The following KIFC3 variants were observed in gnomAD, a reference collection of about 807,000 sequenced individuals.
KIFC3 encodes the protein kinesin-like protein KIFC3.
In KIFC3, 60 loss-of-function variants were observed where a neutral mutation model predicts 101.8. The ratio of observed to expected loss-of-function variants is 0.59; its 90% CI spans 0.48 to 0.73. The LOEUF is 0.73. Ranked by LOEUF, KIFC3 falls within the 30% of genes least tolerant of loss-of-function variation. The probability of loss-of-function intolerance (pLI) is 0.00; values close to 1 mark genes in which losing one functional copy is unlikely to be tolerated. For missense variants in KIFC3, 966 were observed against 1,137.1 expected, an observed-to-expected ratio of 0.85 and a Z score of 2.16; for synonymous variants, 476 against 482.7, an observed-to-expected ratio of 0.99 and a Z score of 0.18.
rs1555608095 is a variant in KIFC3 at position 57,771,356 on chromosome 16, G to C, written c.607C>G (p.Leu203Val). The change falls in exon 6 of 20, where the codon CTA (leucine) becomes GTA (valine). Residue 203 changes from leucine to valine, a missense_variant. Physicochemically the swap from Leu to Val is conservative, Grantham distance 32. Transcript: ENST00000445690. ...ESKGMLSELN[L>V]EVQQKTDRLA... ...CGGTCGGTCTTCTGCTGCACCTCTA[G>C]GTTCAGCTCTGACAGCATGCCTTTG... 6.2e-7 allele frequency: 1 copy of C among 1,613,784 alleles called. No individual in the cohort carries two copies. The highest frequency in any genetic ancestry group is 8.5e-7 in the Non-Finnish European group (1 of 1,180,046).
intron 3 of KIFC3, among the ~76,000 whole-genome samples, chr16:57,777,593 C>T (rs7199324): frequency 0.074 from 11,220 of 152,090 alleles, 478 homozygotes; most frequent in South Asian, 0.092. Flanking sequence ...TCATGGCAGG[C>T]GCCTGTAATC....
At chr16:57,763,214 C>T (rs974625843) in intron 12 of KIFC3, among the ~76,000 whole-genome samples, 1 of 152,182 alleles carries the variant, frequency 6.6e-6, no homozygotes, top group Non-Finnish European at 1.5e-5. Context: ...ATGCCTGATA[C>T]ACCTTATGCA....
In KIFC3 at chr16:57,764,039, A is replaced by G. The variant is rs558182656; in HGVS notation, c.1617+104T>C. 123 of 828,192 alleles carry G rather than the reference A, an allele frequency of 1.5e-4. 2 individuals carry two copies. The highest frequency in any genetic ancestry group is 1.0e-3 in the South Asian group (70 of 66,944). 51.3% of individuals were successfully genotyped at this position (828,192 alleles called of 1,614,324 possible). On this transcript the variant is annotated intron_variant, in intron 12 of 19. Transcript: ENST00000445690. The stretch of plus-strand genomic sequence containing the variant: ...CCTCTGCTCCTGGGTTGTGAGGACC[A>G]AATGAGGCAAAACACACACTGCACA...
At chr16:57,855,537 A>T (rs534270228) in intron 1 of KIFC3, among the ~76,000 whole-genome samples, 21 of 152,278 alleles carry the variant, frequency 1.4e-4, no homozygotes, top group African/African-American at 5.1e-4. Flanking sequence ...TGGAAAATTT[A>T]TAACATCAAA....
In KIFC3 at chr16:57,770,639, T is replaced by C; in HGVS notation, c.827A>G (p.Gln276Arg). The change falls in exon 7 of 20, where the codon CAG becomes CGG. Residue 276 changes from glutamine to arginine, a missense_variant. By Grantham distance (43) the Gln-to-Arg change is conservative. Around this residue, in one of 2 missense-constraint regions of KIFC3, gnomAD observed 689 missense variants for 884.6 expected, o/e 0.78. Coordinates refer to ENST00000445690, the MANE Select transcript of KIFC3 (RefSeq NM_001130100.2). Reference protein sequence around the residue: ...SKTKQALSESQARNQHLQEQV... With the variant: ...SKTKQALSESRARNQHLQEQV... ...CTCCTGCAGGTGCTGGTTCCGGGCC[T>C]GGGACTCGCTGAGGGCCTGCTTGGT... 3 of 1,556,600 alleles carry C rather than the reference T, an allele frequency of 1.9e-6. No individual in the cohort carries two copies. Among genetic ancestry groups the C allele is most frequent in the Non-Finnish European group, 1.7e-6 (2 of 1,150,438 alleles).
chr16:57,790,816 A>G (rs2149163090), intron 3 of KIFC3: 1 of 638,244 alleles, frequency 1.6e-6, no homozygotes, highest in Middle Eastern at 7.8e-4. Flanking sequence ...AAAAGCCAAT[A>G]CAGATAATTG....
intron 12 of KIFC3, among the ~76,000 whole-genome samples, chr16:57,763,137 G>C (rs1031807951): frequency 3.3e-5 from 5 of 152,054 alleles, no homozygotes; most frequent in African/African-American, 1.2e-4. Context: ...CCACAGCCAG[G>C]TTGGCCCTGT....
At chr16:57,840,996 C>G in intron 1 of KIFC3, among the ~76,000 whole-genome samples, 1 of 152,166 alleles carries the variant, frequency 6.6e-6, no homozygotes, top group African/African-American at 2.4e-5. Flanking sequence ...CTTGTGAAGG[C>G]ATAGCTTCAA....
In KIFC3 at chr16:57,798,063, C is replaced by A. The variant is rs112193492; in HGVS notation, c.172+9G>T. Reference sequence around the variant, plus strand: ...GAAATAAAGAGGCATTTTAAAAATGCGGACTCACCAGTTCTCAACCTCCCC... The same window carrying A: ...GAAATAAAGAGGCATTTTAAAAATGAGGACTCACCAGTTCTCAACCTCCCC... On this transcript the variant is annotated intron_variant, in intron 2 of 19. Coordinates refer to ENST00000445690, the MANE Select transcript of KIFC3 (RefSeq NM_001130100.2). 12 of 1,590,290 alleles carry A rather than the reference C, an allele frequency of 7.5e-6. No homozygotes were observed. The highest frequency in any genetic ancestry group is 1.7e-5 in the Admixed American group (1 of 57,462).
chr16:57,775,078 C>G, intron 3 of KIFC3: 4 of 1,501,716 alleles, frequency 2.7e-6, no homozygotes, highest in Non-Finnish European at 3.5e-6. Flanking sequence ...GCGGGATACC[C>G]ACCAGCCACC....
At chr16:57,830,340 C>T (rs907604721) in intron 1 of KIFC3, among the ~76,000 whole-genome samples, 3 of 150,574 alleles carry the variant, frequency 2.0e-5, no homozygotes, top group African/African-American at 7.3e-5. Context: ...CGGGTTCCAG[C>T]AATTCTCCTG....
intron 1 of KIFC3, among the ~76,000 whole-genome samples, chr16:57,817,871 G>T (rs1248115257): frequency 1.3e-5 from 2 of 152,118 alleles, no homozygotes; most frequent in Non-Finnish European, 2.9e-5. Flanking sequence ...TAAGCAACTT[G>T]CCAGAAATCA....
Position 57,776,163 on chromosome 16 carries a change from T to G in KIFC3, c.316-3875A>C. On this transcript the variant is annotated intron_variant, in intron 3 of 19. Transcript: ENST00000445690. ...AAGCCCAGTCAACGATCATCAGCTG[T>G]CTGCTGAGGAAAAGCGGGCTCTCCC... The G allele has an allele frequency of 3.0e-6, 3 of 985,388 alleles. 1 individual carries two copies. The South Asian group carries it at 1.4e-4, about 46-fold the overall frequency. 61.0% of individuals were successfully genotyped at this position (985,388 alleles called of 1,614,324 possible).
At chr16:57,806,251 A>G (rs1425445515), upstream of KIFC3, among the ~76,000 whole-genome samples, 5 of 152,234 alleles carry the variant, frequency 3.3e-5, no homozygotes, top group South Asian at 1.0e-3. Context: ...CCTCAGATCA[A>G]GTCTTCTCCG....
intron 18 of KIFC3, 145 bp from the exon 19 acceptor site, chr16:57,759,298 C>T (rs1358174778): frequency 2.0e-6 from 2 of 985,208 alleles, no homozygotes; most frequent in East Asian, 2.6e-5. Flanking sequence ...AGCCCTGGGT[C>T]CCGGTCCTGT....
chr16:57,769,526 G>C lies in KIFC3; in HGVS notation c.1218+69C>G, dbSNP rs996464764. 12 of 1,542,296 alleles carry C rather than the reference G, an allele frequency of 7.8e-6. No homozygotes were observed. Among genetic ancestry groups the C allele is most frequent in the Non-Finnish European group, 1.0e-5 (12 of 1,144,488 alleles). On this transcript the variant is annotated intron_variant, in intron 9 of 19. Coordinates refer to ENST00000445690, the MANE Select transcript of KIFC3 (RefSeq NM_001130100.2). The surrounding 1 kb of genome is among the most constrained non-coding windows in gnomAD (Gnocchi z 4.3). ...TGTCTGAGCTTTGGAGGGACGCCCTGAGTGGATGTCGTGCCTCTCCCAGTG... is the reference window on the plus strand; with the variant it reads ...TGTCTGAGCTTTGGAGGGACGCCCTCAGTGGATGTCGTGCCTCTCCCAGTG...
chr16:57,834,143 G>A (rs2055641311), intron 1 of KIFC3, among the ~76,000 whole-genome samples: 1 of 152,118 alleles, frequency 6.6e-6, no homozygotes, highest in Non-Finnish European at 1.5e-5. Context: ...TTACAGGCGT[G>A]AGCCACCGCG....
intron 1 of KIFC3, among the ~76,000 whole-genome samples, chr16:57,851,727 C>G (rs574135899): frequency 4.1e-5 from 6 of 147,176 alleles, no homozygotes; most frequent in Non-Finnish European, 7.5e-5. Flanking sequence ...CCACCACACC[C>G]GGCTAATTTT....
At chr16:57,799,353 G>A (rs1259900193) in intron 1 of KIFC3, among the ~76,000 whole-genome samples, 1 of 152,142 alleles carries the variant, frequency 6.6e-6, no homozygotes, top group Non-Finnish European at 1.5e-5. Context: ...TGAGGTGGGG[G>A]TAACTGAAGG....
Sources: gnomAD v4.1 joint callset for allele counts (sites outside exome capture counted in the v4.1 genomes callset) on GRCh38, gnomAD v4.1.1 for gene constraint, gnomAD v4.1.1 regional missense constraint, Gnocchi (gnomAD v3.1) non-coding constraint, MANE v1.5 for transcripts, NCBI Gene and HGNC (gene_info 2026-07-23, HGNC 2026-07-21) for gene names.